Variants in HNF4G observed in about 807,000 individuals in gnomAD.
HNF4G encodes hepatocyte nuclear factor 4-gamma.
In HNF4G, 21 loss-of-function variants were observed where a neutral mutation model predicts 50.9. The observed-to-expected ratio is 0.41, with a 90% CI of 0.29 to 0.59. The LOEUF (loss-of-function observed/expected upper bound fraction) is 0.59, where lower values mean the gene tolerates loss of function less well. Among genes scored for constraint, HNF4G ranks in the 20% least tolerant of loss-of-function variants. HNF4G has a pLI of 0.26. For synonymous variants in HNF4G, 198 were observed against 185.6 expected, an observed-to-expected ratio of 1.07 and a Z score of -0.54; for missense variants, 527 against 559.4, an observed-to-expected ratio of 0.94 and a Z score of 0.58.
At chr8:75,423,289 T>G (rs189230483) in intron 1 of HNF4G, among the ~76,000 whole-genome samples, 1 of 151,994 alleles carries the variant, frequency 6.6e-6, no homozygotes. Flanking sequence ...ACATTTTACA[T>G]TAGTTAGCTC....
chr8:75,520,423 CTTTT>C (rs1206566310), intron 2 of HNF4G, among the ~76,000 whole-genome samples: 1 of 150,982 alleles, frequency 6.6e-6, no homozygotes, highest in African/African-American at 2.4e-5. Flanking sequence ...CTCGTTCTTT[CTTTT>C]TATGTTTTTT....
chr8:75,552,685 A>G (rs1806993575), intron 4 of HNF4G, among the ~76,000 whole-genome samples: 1 of 152,174 alleles, frequency 6.6e-6, no homozygotes, highest in South Asian at 2.1e-4. Flanking sequence ...CAAAGAGCAT[A>G]TTACATATGG....
chr8:75,543,911 A>G lies in HNF4G; in HGVS notation c.219A>G (p.Ala73=), dbSNP rs1475711386. The G allele has an allele frequency of 6.2e-7, 1 of 1,613,784 alleles. No individual in the cohort carries two copies. The highest frequency in any genetic ancestry group is 2.2e-5 in the East Asian group (1 of 44,868). The change falls in exon 2 of 10, where the codon GCA becomes GCG. Residue 73 remains alanine (A), a synonymous_variant. Coordinates refer to ENST00000396423, the MANE Select transcript of HNF4G (RefSeq NM_004133.5). The part of the protein sequence containing the change: ...GDRATGKHYG[A]SSCDGCKGFF... Reference sequence around the variant, plus strand: ...GAGCAACAGGAAAACACTATGGGGCATCCAGCTGTGATGGGTGCAAGGGTT... The same window carrying G: ...GAGCAACAGGAAAACACTATGGGGCGTCCAGCTGTGATGGGTGCAAGGGTT...
At chr8:75,550,885 T>C (rs1409352172) in intron 3 of HNF4G, among the ~76,000 whole-genome samples, 1 of 152,156 alleles carries the variant, frequency 6.6e-6, no homozygotes, top group Non-Finnish European at 1.5e-5. Context: ...ATGGACAGTG[T>C]TTTATAAGAG....
At chr8:75,488,378 A>G (rs1421551569) in intron 1 of HNF4G, among the ~76,000 whole-genome samples, 1 of 151,904 alleles carries the variant, frequency 6.6e-6, no homozygotes, top group Non-Finnish European at 1.5e-5. Flanking sequence ...GGATCAAGCA[A>G]TTCTTCTGCC....
At chr8:75,557,003 T>C (rs1169547751) in intron 6 of HNF4G, among the ~76,000 whole-genome samples, 2 of 152,128 alleles carry the variant, frequency 1.3e-5, no homozygotes, top group Non-Finnish European at 2.9e-5. Flanking sequence ...GTCACAAAGC[T>C]AGAAAATAAT....
chr8:75,536,968 A>G (rs192654279), upstream of HNF4G, among the ~76,000 whole-genome samples: 209 of 152,252 alleles, frequency 1.4e-3, 1 homozygote, highest in African/African-American at 4.4e-3. Context: ...ATTTATAAAC[A>G]CAAGTTATCT....
intron 1 of HNF4G, among the ~76,000 whole-genome samples, chr8:75,466,632 C>CCTTCCTTA: frequency 2.4e-5 from 1 of 41,414 alleles, no homozygotes; most frequent in East Asian, 5.1e-4. Flanking sequence ...TTCCTTCCTT[C>CCTTCCTTA]CTTCTCCCTT....
chr8:75,457,543 C>G (rs930377614), intron 1 of HNF4G, among the ~76,000 whole-genome samples: 3 of 152,162 alleles, frequency 2.0e-5, no homozygotes, highest in African/African-American at 4.8e-5. Context: ...CTATGTGACT[C>G]TAATGACATT....
intron 2 of HNF4G, among the ~76,000 whole-genome samples, chr8:75,497,771 T>G (rs1812815073): frequency 6.6e-6 from 1 of 152,086 alleles, no homozygotes; most frequent in Admixed American, 6.6e-5. Context: ...AGAATTTTTT[T>G]TAATTAAAAG....
In HNF4G at chr8:75,450,549, C is replaced by T. The variant is rs919134043; in HGVS notation, c.-143-39540C>T. Among the ~76,000 whole-genome samples, 12 of 152,192 alleles carry T rather than the reference C, an allele frequency of 7.9e-5. No homozygotes were observed. In the South Asian group the frequency reaches 1.0e-3, roughly 13 times the overall value. On this transcript the variant is annotated intron_variant, in intron 1 of 10. Coordinates refer to the HNF4G transcript ENST00000354370. ...TAATGGCTATACTAATTTACATTCT[C>T]ACCAACTGTGTATAAGGGTTCTTTT...
chr8:75,451,343 T>A (rs1811579943), intron 1 of HNF4G, among the ~76,000 whole-genome samples: 1 of 152,182 alleles, frequency 6.6e-6, no homozygotes, highest in Non-Finnish European at 1.5e-5. Context: ...TAGTCTGATA[T>A]AATTCCATTT....
chr8:75,429,842 G>A (rs3779741), intron 1 of HNF4G, among the ~76,000 whole-genome samples: 1 of 152,106 alleles, frequency 6.6e-6, no homozygotes. Context: ...TGAATGTCTA[G>A]AGAAATCCTT....
At chr8:75,484,891 A>T (rs1197053796) in intron 1 of HNF4G, among the ~76,000 whole-genome samples, 1 of 152,206 alleles carries the variant, frequency 6.6e-6, no homozygotes. Context: ...ATTACATTTT[A>T]TGGATAAGGA....
At chr8:75,540,169 GT>G (rs907291421) in intron 1 of HNF4G, 89 bp downstream of exon 1, 108 of 736,198 alleles carry the variant, frequency 1.5e-4, no homozygotes, top group East Asian at 3.2e-4. Flanking sequence ...GTGGCTCAAT[GT>G]TTTTTTTGCT....
intron 2 of HNF4G, chr8:75,490,267 C>G (rs1812593238): frequency 1.3e-5 from 2 of 152,438 alleles, no homozygotes; most frequent in African/African-American, 4.8e-5. Flanking sequence ...TACTTGGACA[C>G]CTTGTAAAGA....
chr8:75,464,564 T>G (rs753075345), intron 1 of HNF4G, among the ~76,000 whole-genome samples: 18 of 152,202 alleles, frequency 1.2e-4, no homozygotes, highest in Admixed American at 6.5e-4. Context: ...AATCTTGCTG[T>G]GCAGCTGTCA....
upstream of HNF4G, among the ~76,000 whole-genome samples, chr8:75,536,030 TTATCTA>T (rs1806453923): frequency 6.6e-6 from 1 of 151,912 alleles, no homozygotes; most frequent in Non-Finnish European, 1.5e-5. Context: ...AATTAACCTT[TTATCTA>T]CAAATAATGT....
rs746297040 is a variant in HNF4G at position 75,551,501 on chromosome 8, G to A, written c.489+7G>A. On this transcript the variant is annotated splice_region_variant and intron_variant, in intron 4 of 9. Coordinates refer to ENST00000396423, the MANE Select transcript of HNF4G (RefSeq NM_004133.5). ...TGAAGTTCGGTCTCGCCAGGTACCT[G>A]TGGCACGGCAGCATCAAACCCTATT... 4.0e-6 allele frequency: 6 copies of A among 1,500,192 alleles called. No homozygotes were observed. In the African/African-American group the frequency reaches 4.1e-5, roughly 10 times the overall value. The allele number at this position is 1,500,192 out of a possible 1,614,324, so 92.9% of individuals were successfully genotyped here.
Sources: allele counts gnomAD v4.1 joint callset (sites outside exome capture counted in the v4.1 genomes callset), GRCh38; gene constraint gnomAD v4.1.1; transcripts MANE v1.5; gene names NCBI Gene and HGNC (gene_info 2026-07-23, HGNC 2026-07-21).